PRPF39: variants seen among roughly 807,000 people sequenced by gnomAD.
PRPF39 encodes pre-mRNA processing factor 39, also known as pre-mRNA-processing factor 39.
In PRPF39, 27 loss-of-function variants were observed where a neutral mutation model predicts 82.1. The observed-to-expected ratio is 0.33, with a 90% CI of 0.24 to 0.45. The LOEUF (loss-of-function observed/expected upper bound fraction) is 0.45. Among genes scored for constraint, PRPF39 ranks in the 20% least tolerant of loss-of-function variants. The pLI, the probability that PRPF39 is intolerant of heterozygous loss-of-function variation, is 1.00. For missense variants in PRPF39, 581 were observed against 796.9 expected (o/e 0.73, Z 3.26); for synonymous variants, 261 against 256.4 (o/e 1.02, Z -0.17).
chr14:45,097,140 C>T (rs1884223676), intron 4 of PRPF39, 135 bp downstream of exon 4: 1 of 1,305,298 alleles, frequency 7.7e-7, no homozygotes. Flanking sequence ...ATGTAATAAA[C>T]TTAAGCTTTA....
At chr14:45,095,965 G>A (rs540479526) in intron 2 of PRPF39, 138 bp from the exon 3 acceptor site, 49 of 645,654 alleles carry the variant, frequency 7.6e-5, no homozygotes, top group East Asian at 6.0e-4. Flanking sequence ...CTGCTCCATC[G>A]GCAGAGCAGC....
intron 5 of PRPF39, among the ~76,000 whole-genome samples, chr14:45,105,480 A>G (rs1884498830): frequency 1.3e-5 from 2 of 149,904 alleles, no homozygotes; most frequent in South Asian, 2.1e-4. Flanking sequence ...CTCTGTATCC[A>G]TTGACTTTGC....
At chr14:45,084,280 T>C (rs1445426888) in intron 1 of PRPF39, 31 bp downstream of exon 1, 1 of 152,788 alleles carries the variant, frequency 6.5e-6, no homozygotes, top group African/African-American at 2.4e-5. Context: ...TGAAATTAGC[T>C]GGGGCAGAGG....
intron 4 of PRPF39, among the ~76,000 whole-genome samples, chr14:45,097,206 C>A (rs1182914176): frequency 2.0e-5 from 3 of 152,114 alleles, no homozygotes; most frequent in African/African-American, 7.2e-5. Flanking sequence ...CTTATGTCCC[C>A]AATTCCACTC....
intron 2 of PRPF39, 32 bp from the exon 3 acceptor site, chr14:45,096,070 CA>C (rs1884192863): frequency 1.3e-6 from 2 of 1,488,138 alleles, no homozygotes; most frequent in African/African-American, 1.4e-5. Context: ...CAGAAATTTC[CA>C]CAATATTTAA....
Position 45,110,624 on chromosome 14 carries a change from G to A in PRPF39, c.1379G>A (p.Arg460Gln). The A allele has an allele frequency of 6.4e-7, 1 of 1,574,728 alleles. No individual in the cohort carries two copies. The highest frequency in any genetic ancestry group is 8.6e-7 in the Non-Finnish European group (1 of 1,158,648). ...CTAGGATTGGCAATGGTTCGTTTAC[G>A]AAGAGTAAGTTTAGAACGACGGCAT... ...CVLGLAMVRLRRVSLERRHGN... is the reference protein window; with the variant it reads ...CVLGLAMVRLQRVSLERRHGN... The change falls in exon 10 of 14, where the codon CGA (arginine) becomes CAA (glutamine). Residue 460 changes from arginine to glutamine, a missense_variant. By Grantham distance (43) the Arg-to-Gln change is conservative. Coordinates refer to ENST00000355765, the MANE Select transcript of PRPF39 (RefSeq NM_017922.4). The surrounding 1 kb of genome is among the most constrained non-coding windows in gnomAD (Gnocchi z 4.0).
In PRPF39 at chr14:45,116,161, T is replaced by C. The variant is rs1258359185; in HGVS notation, c.*1248T>C. The C allele has an allele frequency of 3.4e-6, 5 of 1,474,832 alleles. No individual in the cohort carries two copies. Among genetic ancestry groups the C allele is most frequent in the African/African-American group, 2.8e-5 (2 of 72,274 alleles). 91.4% of individuals were successfully genotyped at this position (1,474,832 alleles called of 1,614,324 possible). A position where few individuals can be genotyped will look rare whatever the true frequency, so the allele number is the denominator to read the frequency against. On this transcript the variant is annotated 3_prime_UTR_variant, in exon 14 of 14. Transcript: ENST00000355765. ...ATTTCTTCAAGGCCAAGTTTTATCATTGTTGCTAATATCCTTAGAGCTGAA... is the reference window on the plus strand; with the variant it reads ...ATTTCTTCAAGGCCAAGTTTTATCACTGTTGCTAATATCCTTAGAGCTGAA...
rs757863298 is a variant in PRPF39, at chr14:45,112,441, A to C, written c.1696A>C (p.Arg566=). Residue 566 remains arginine, a synonymous_variant, in exon 11 of 14, where the codon AGA becomes CGA. Coordinates refer to ENST00000355765, the MANE Select transcript of PRPF39 (RefSeq NM_017922.4). ...AVHGSLPIKM[R]ITFSQRKVEF... Reference sequence around the variant, plus strand: ...ACATGGTTCATTACCTATTAAAATGAGAATTACATTTTCTCAGAGAAAAGT... The same window carrying C: ...ACATGGTTCATTACCTATTAAAATGCGAATTACATTTTCTCAGAGAAAAGT... 10 of 1,546,872 alleles carry C rather than the reference A, an allele frequency of 6.5e-6. No individual in the cohort carries two copies. Among genetic ancestry groups the C allele is most frequent in the Non-Finnish European group, 8.7e-6 (10 of 1,155,652 alleles).
chr14:45,094,992 T>C (rs1046605376), intron 1 of PRPF39, among the ~76,000 whole-genome samples: 13 of 152,216 alleles, frequency 8.5e-5, no homozygotes, highest in African/African-American at 2.9e-4. Context: ...TCCACAGTTA[T>C]TTGGTTTTCA....
Position 45,116,277 on chromosome 14 carries a change from T to A in PRPF39, c.*1364T>A. ...TCTGTTGAAGAAGTCAAGGTACATT[T>A]GATAAAAAGTGCCTCTCCCCTACCC... On this transcript the variant is annotated 3_prime_UTR_variant, in exon 14 of 14. Coordinates refer to ENST00000355765, the MANE Select transcript of PRPF39 (RefSeq NM_017922.4). 1 of 1,586,336 alleles carries A rather than the reference T, an allele frequency of 6.3e-7. No individual in the cohort carries two copies. The highest frequency in any genetic ancestry group is 1.1e-5 in the South Asian group (1 of 90,470).
At chr14:45,086,531 C>T (rs1031090093) in intron 1 of PRPF39, among the ~76,000 whole-genome samples, 4 of 151,954 alleles carry the variant, frequency 2.6e-5, no homozygotes, top group African/African-American at 9.7e-5. Flanking sequence ...TTTTATTAGT[C>T]TGGGGGAACA....
intron 1 of PRPF39, among the ~76,000 whole-genome samples, chr14:45,089,272 C>T (rs1385508330): frequency 6.6e-6 from 1 of 152,170 alleles, no homozygotes; most frequent in East Asian, 1.9e-4. Context: ...TTAATTTTTA[C>T]ATGTAGTATA....
At chr14:45,104,545 G>A (rs901578587) in intron 5 of PRPF39, among the ~76,000 whole-genome samples, 4 of 152,140 alleles carry the variant, frequency 2.6e-5, no homozygotes, top group African/African-American at 9.7e-5. Context: ...GAAGCCATGT[G>A]TAAATAGCGT....
intron 3 of PRPF39, chr14:45,096,603 C>T (rs755284722): frequency 1.4e-5 from 21 of 1,460,830 alleles, no homozygotes; most frequent in Non-Finnish European, 1.9e-5. Context: ...CAGACGCTGT[C>T]ATTGATGCTC....
intron 1 of PRPF39, among the ~76,000 whole-genome samples, chr14:45,086,685 A>G (rs1449054556): frequency 6.6e-6 from 1 of 152,190 alleles, no homozygotes. Context: ...GTTACACGGC[A>G]AGTATTATTT....
intron 8 of PRPF39, 68 bp downstream of exon 8, chr14:45,109,848 G>A: frequency 6.6e-7 from 1 of 1,525,222 alleles, no homozygotes; most frequent in Non-Finnish European, 8.8e-7. Context: ...AACCTTTTTT[G>A]TACTTCTGTT....
At chr14:45,091,685 GA>G (rs966420802) in intron 1 of PRPF39, among the ~76,000 whole-genome samples, 2 of 151,762 alleles carry the variant, frequency 1.3e-5, no homozygotes, top group Non-Finnish European at 2.9e-5. Context: ...AGGCATTTAT[GA>G]AAAAAAGAAA....
Position 45,110,151 on chromosome 14 carries a change from G to A in PRPF39, c.1234G>A (p.Ala412Thr), listed in dbSNP as rs1884658752. 1 of 1,613,478 alleles carries A rather than the reference G, an allele frequency of 6.2e-7. No homozygotes were observed. The change falls in exon 9 of 14, where the codon GCT (alanine) becomes ACT (threonine). Residue 412 changes from alanine to threonine, a missense_variant. Physicochemically the swap from Ala to Thr is moderately conservative, Grantham distance 58. Coordinates refer to ENST00000355765, the MANE Select transcript of PRPF39 (RefSeq NM_017922.4). The surrounding 1 kb of genome is among the most constrained non-coding windows in gnomAD (Gnocchi z 4.0). ...AGGAGTGAGGCATGTCTTCAGCAGAGCTTGTACTATACATCTCCCAAAGAA... is the reference window on the plus strand; with the variant it reads ...AGGAGTGAGGCATGTCTTCAGCAGAACTTGTACTATACATCTCCCAAAGAA... ...IEGVRHVFSRACTIHLPKKPM... is the reference protein window; with the variant it reads ...IEGVRHVFSRTCTIHLPKKPM...
intron 1 of PRPF39, among the ~76,000 whole-genome samples, chr14:45,087,375 A>G (rs1037022690): frequency 3.3e-5 from 5 of 152,162 alleles, no homozygotes; most frequent in South Asian, 2.1e-4. Flanking sequence ...CTGGGATTAC[A>G]GGTTTGAGCC....
Sources: allele counts gnomAD v4.1 joint callset (sites outside exome capture counted in the v4.1 genomes callset), GRCh38; gene constraint gnomAD v4.1.1; non-coding constraint Gnocchi (gnomAD v3.1); transcripts MANE v1.5; gene names NCBI Gene and HGNC (gene_info 2026-07-23, HGNC 2026-07-21).